GALNT17: variants seen among roughly 807,000 people sequenced by gnomAD.
The protein encoded by GALNT17 is polypeptide N-acetylgalactosaminyltransferase 17, also known as UDP-GalNAc:polypeptide N-acetylgalactosaminyltransferase-like 3.
GALNT17 carries 29 observed loss-of-function variants against 63.7 expected under a neutral mutation model. That is an observed-to-expected ratio of 0.46 (90% CI 0.34 to 0.62). The LOEUF (loss-of-function observed/expected upper bound fraction) is 0.62. GALNT17 is among the 20% of genes least tolerant of loss of function. The pLI, the probability that GALNT17 is intolerant of heterozygous loss-of-function variation, is 0.01. For missense variants in GALNT17, 603 were observed against 799.6 expected, an observed-to-expected ratio of 0.75 and a Z score of 2.97; for synonymous variants, 305 against 318.3, an observed-to-expected ratio of 0.96 and a Z score of 0.45.
At chr7:71,640,171 T>C (rs566978188) in intron 6 of GALNT17, among the ~76,000 whole-genome samples, 37 of 152,332 alleles carry the variant, frequency 2.4e-4, no homozygotes, top group Admixed American at 7.2e-4. Context: ...TCATTTAATA[T>C]GGTCCCTTTG....
chr7:71,436,722 A>G (rs1786971205), intron 5 of GALNT17, among the ~76,000 whole-genome samples: 2 of 152,026 alleles, frequency 1.3e-5, no homozygotes, highest in Non-Finnish European at 1.5e-5. Context: ...CCATCTCAAA[A>G]AAAAAATAAA....
chr7:71,607,017 C>T (rs966632440), intron 6 of GALNT17, among the ~76,000 whole-genome samples: 1 of 152,034 alleles, frequency 6.6e-6, no homozygotes, highest in African/African-American at 2.4e-5. Flanking sequence ...TGTTAAAATA[C>T]TAATTGATAC....
At chr7:71,552,789 G>T (rs1243259860) in intron 5 of GALNT17, among the ~76,000 whole-genome samples, 1 of 152,120 alleles carries the variant, frequency 6.6e-6, no homozygotes, top group Non-Finnish European at 1.5e-5. Flanking sequence ...AGCCAAAAAT[G>T]AAGGGTGGTT....
At chr7:71,514,112 T>C (rs1788409140) in intron 5 of GALNT17, among the ~76,000 whole-genome samples, 1 of 152,200 alleles carries the variant, frequency 6.6e-6, no homozygotes, top group Non-Finnish European at 1.5e-5. Context: ...GGAGGATTGC[T>C]TGAGCCCAGG....
intron 1 of GALNT17, among the ~76,000 whole-genome samples, chr7:71,266,313 G>A (rs1020198800): frequency 1.3e-5 from 2 of 152,086 alleles, no homozygotes; most frequent in Non-Finnish European, 2.9e-5. Context: ...TCGGAGGAGG[G>A]GCCTGGTGGG....
chr7:71,409,360 C>G (rs1040749925), intron 3 of GALNT17, among the ~76,000 whole-genome samples: 2 of 152,090 alleles, frequency 1.3e-5, no homozygotes, highest in Non-Finnish European at 2.9e-5. Context: ...CAGCAGCTCC[C>G]CATTTGAAGC....
chr7:71,150,973 A>C (rs1481014564), intron 1 of GALNT17, among the ~76,000 whole-genome samples: 2 of 113,978 alleles, frequency 1.8e-5, no homozygotes, highest in Non-Finnish European at 1.8e-5. Flanking sequence ...TGAGACCCTG[A>C]CTTCAAAAAA....
intron 1 of GALNT17, among the ~76,000 whole-genome samples, chr7:71,261,647 T>C (rs1270386094): frequency 1.3e-5 from 2 of 152,100 alleles, no homozygotes; most frequent in Non-Finnish European, 2.9e-5. Context: ...TCGTGTGCCT[T>C]GAATCCCTGA....
At chr7:71,579,480 A>T (rs923793520) in intron 6 of GALNT17, among the ~76,000 whole-genome samples, 3 of 152,230 alleles carry the variant, frequency 2.0e-5, no homozygotes, top group South Asian at 2.1e-4. Context: ...AAGATAGAGC[A>T]ATGCTGTGGG....
chr7:71,609,508 A>G (rs2116949711), intron 6 of GALNT17, among the ~76,000 whole-genome samples: 2 of 152,264 alleles, frequency 1.3e-5, no homozygotes, highest in African/African-American at 4.8e-5. Context: ...GAGAGAGAGA[A>G]AGAGAGAAAT....
intron 2 of GALNT17, among the ~76,000 whole-genome samples, chr7:71,345,414 G>A (rs1049268989): frequency 6.6e-6 from 1 of 152,022 alleles, no homozygotes; most frequent in African/African-American, 2.4e-5. Context: ...CAGATGTCAG[G>A]TTTCTTTGGA....
chr7:71,304,155 T>C (rs1329968118), intron 1 of GALNT17, among the ~76,000 whole-genome samples: 1 of 152,212 alleles, frequency 6.6e-6, no homozygotes, highest in African/African-American at 2.4e-5. Flanking sequence ...ACGTAGTTGA[T>C]TTTTGCAAGC....
intron 1 of GALNT17, among the ~76,000 whole-genome samples, chr7:71,154,737 C>T (rs931866483): frequency 2.7e-5 from 4 of 148,898 alleles, no homozygotes; most frequent in Middle Eastern, 3.2e-3. Flanking sequence ...CCACCATGCC[C>T]GGCTAATTTT....
At chr7:71,351,516 TTGGTATCTTAAGAGGAGAAAACACG>T (rs1792188628) in intron 2 of GALNT17, among the ~76,000 whole-genome samples, 2 of 149,876 alleles carry the variant, frequency 1.3e-5, no homozygotes, top group African/African-American at 4.9e-5. Context: ...CCCAAGATGG[TTGGTATCTTAAGAGGAGAAAACACG>T]GAGACTAAGA....
intron 1 of GALNT17, among the ~76,000 whole-genome samples, chr7:71,201,925 G>A (rs373153251): frequency 6.6e-5 from 10 of 152,290 alleles, no homozygotes; most frequent in African/African-American, 2.2e-4. Context: ...GAGCCACTGC[G>A]CCTGGCCTAC....
chr7:71,431,204 C>CTTTCTTT lies in GALNT17; in HGVS notation c.962+10102_962+10103insCTTTTTT, dbSNP rs1563087533. On this transcript the variant is annotated intron_variant, in intron 5 of 10. Transcript: ENST00000333538. ...CCCTATGAGTATTTTTTTTTCTTTT[C>CTTTCTTT]TTTTCTTTTTTTTTTTTTTTTTTTT... Among the ~76,000 whole-genome samples the CTTTCTTT allele has an allele frequency of 1.8e-4, 25 of 136,358 alleles. 4 individuals carry two copies. The highest frequency in any genetic ancestry group is 2.3e-4 in the Non-Finnish European group (15 of 65,638). 89.5% of individuals were successfully genotyped at this position (136,358 alleles called of 152,430 possible). A position where few individuals can be genotyped will look rare whatever the true frequency, so the allele number is the denominator to read the frequency against.
chr7:71,517,569 T>A (rs1411474180), intron 5 of GALNT17, among the ~76,000 whole-genome samples: 2 of 152,228 alleles, frequency 1.3e-5, no homozygotes, highest in African/African-American at 2.4e-5. Flanking sequence ...CAGCATTTTT[T>A]AAATTTAATT....
chr7:71,271,368 G>GCTCT (rs1790584860), intron 1 of GALNT17, among the ~76,000 whole-genome samples: 1 of 152,192 alleles, frequency 6.6e-6, no homozygotes, highest in Non-Finnish European at 1.5e-5. Flanking sequence ...GATGCTCAGA[G>GCTCT]ATGTAGAAGA....
intron 1 of GALNT17, among the ~76,000 whole-genome samples, chr7:71,212,630 A>G (rs1326195094): frequency 2.0e-5 from 3 of 152,130 alleles, no homozygotes; most frequent in Non-Finnish European, 2.9e-5. Flanking sequence ...AGGGGGGGCT[A>G]TACCCTACAA....
Sources: gnomAD v4.1 joint callset for allele counts (sites outside exome capture counted in the v4.1 genomes callset) on GRCh38, gnomAD v4.1.1 for gene constraint, MANE v1.5 for transcripts, NCBI Gene and HGNC (gene_info 2026-07-23, HGNC 2026-07-21) for gene names.